Variants in WWOX observed in about 807,000 individuals in gnomAD.
WWOX encodes the protein WW domain-containing oxidoreductase.
Under a neutral mutation model 46.2 loss-of-function variants are expected in WWOX, and 69 were observed. That is an observed-to-expected ratio of 1.49 (90% CI 1.23 to 1.82). WWOX has a LOEUF of 1.82. Ranked by LOEUF, WWOX falls within the 40% of genes most tolerant of loss-of-function variation. The probability of loss-of-function intolerance (pLI) is 0.00; values close to 1 mark genes in which losing one functional copy is unlikely to be tolerated. For missense variants in WWOX, 919 were observed against 542.6 expected (o/e 1.69, Z -6.89); for synonymous variants, 359 against 202.6 (o/e 1.77, Z -6.56).
At chr16:78,140,145 C>T (rs557757416) in intron 4 of WWOX, among the ~76,000 whole-genome samples, 2 of 152,290 alleles carry the variant, frequency 1.3e-5, no homozygotes, top group East Asian at 3.9e-4. Flanking sequence ...TGGTTGAAAA[C>T]TGCATGGTGA....
At chr16:79,000,621 C>G (rs1016350774) in intron 8 of WWOX, among the ~76,000 whole-genome samples, 1 of 152,156 alleles carries the variant, frequency 6.6e-6, no homozygotes, top group African/African-American at 2.4e-5. Context: ...GAGATTCTCT[C>G]CCAGAACTTC....
intron 8 of WWOX, among the ~76,000 whole-genome samples, chr16:78,516,738 C>A (rs1004562561): frequency 6.6e-6 from 1 of 152,074 alleles, no homozygotes. Context: ...AATTTAAACG[C>A]GAGGGTTTCC....
At chr16:79,169,280 A>T (rs1457228256) in intron 8 of WWOX, among the ~76,000 whole-genome samples, 1 of 152,036 alleles carries the variant, frequency 6.6e-6, no homozygotes, top group African/African-American at 2.4e-5. Flanking sequence ...AATGTCTGAG[A>T]CTTGTGATGT....
chr16:78,389,506 A>G lies in WWOX; in HGVS notation c.605+2558A>G, dbSNP rs185021092. On this transcript the variant is annotated intron_variant, in intron 6 of 8. Coordinates refer to ENST00000566780, the MANE Select transcript of WWOX (RefSeq NM_016373.4). Reference sequence around the variant, plus strand: ...TGACAAGAACAGCAGCGGAGTCAGCAGCTCATTTACTGAGGGCTTATGGGC... The same window carrying G: ...TGACAAGAACAGCAGCGGAGTCAGCGGCTCATTTACTGAGGGCTTATGGGC... Among the ~76,000 whole-genome samples the G allele has an allele frequency of 3.9e-5, 6 of 152,338 alleles. No homozygotes were observed. In the East Asian group the frequency reaches 1.2e-3, roughly 29 times the overall value.
At chr16:79,033,206 G>GTA (rs34300112) in intron 8 of WWOX, among the ~76,000 whole-genome samples, 34,307 of 145,474 alleles carry the variant, frequency 0.24, 4,348 homozygotes, top group South Asian at 0.35. Flanking sequence ...ATAAATATGT[G>GTA]TATATATATA....
chr16:79,130,163 G>A (rs112591141), intron 8 of WWOX, among the ~76,000 whole-genome samples: 1,841 of 152,258 alleles, frequency 0.012, 36 homozygotes, highest in African/African-American at 0.041. Flanking sequence ...TCACAGGCTG[G>A]TGGAGTTGGG....
intron 5 of WWOX, among the ~76,000 whole-genome samples, chr16:78,383,034 G>A (rs552011458): frequency 1.3e-4 from 19 of 150,820 alleles, no homozygotes; most frequent in African/African-American, 3.9e-4. Context: ...GAGGTGATAT[G>A]CTCTTGTAAA....
chr16:78,397,278 C>A (rs1189506959), intron 6 of WWOX, among the ~76,000 whole-genome samples: 1 of 152,070 alleles, frequency 6.6e-6, no homozygotes, highest in Non-Finnish European at 1.5e-5. Context: ...GAGTATGGAA[C>A]CATATAATGA....
At chr16:78,543,865 C>G (rs1036609090) in intron 8 of WWOX, among the ~76,000 whole-genome samples, 5 of 152,108 alleles carry the variant, frequency 3.3e-5, no homozygotes, top group African/African-American at 9.7e-5. Flanking sequence ...CTCTGAAACC[C>G]TGTTTATTTG....
At chr16:78,509,768 T>C (rs555479410) in intron 8 of WWOX, among the ~76,000 whole-genome samples, 1 of 152,246 alleles carries the variant, frequency 6.6e-6, no homozygotes, top group South Asian at 2.1e-4. Context: ...AATTGAAGCG[T>C]ACAGTGCCTA....
At chr16:78,127,409 A>G (rs964172625) in intron 4 of WWOX, among the ~76,000 whole-genome samples, 4 of 151,984 alleles carry the variant, frequency 2.6e-5, no homozygotes, top group African/African-American at 7.3e-5. Flanking sequence ...AATGACCTGT[A>G]TAAATAACTG....
chr16:78,906,255 A>C (rs1234792454), intron 8 of WWOX, among the ~76,000 whole-genome samples: 1 of 152,180 alleles, frequency 6.6e-6, no homozygotes, highest in Admixed American at 6.5e-5. Context: ...TGTCTCCACA[A>C]GGAAGAAGTA....
At chr16:79,092,330 G>A (rs1475534936) in intron 8 of WWOX, among the ~76,000 whole-genome samples, 1 of 152,174 alleles carries the variant, frequency 6.6e-6, no homozygotes, top group Non-Finnish European at 1.5e-5. Flanking sequence ...AATCGTGCTG[G>A]GTGGCTTGAA....
intron 3 of WWOX, among the ~76,000 whole-genome samples, chr16:78,112,344 T>G (rs1046466677): frequency 1.3e-5 from 2 of 152,220 alleles, no homozygotes; most frequent in African/African-American, 4.8e-5. Flanking sequence ...CTGACACTAT[T>G]TTTCACCTCC....
intron 8 of WWOX, chr16:78,757,011 G>C: frequency 1.4e-6 from 1 of 699,830 alleles, no homozygotes; most frequent in Non-Finnish European, 2.6e-6. Context: ...CCTGCCAACA[G>C]CCATGTGAGT....
At chr16:79,053,008 C>T (rs1389565988) in intron 8 of WWOX, among the ~76,000 whole-genome samples, 2 of 151,566 alleles carry the variant, frequency 1.3e-5, no homozygotes, top group African/African-American at 4.9e-5. Flanking sequence ...AGAGAGGTGG[C>T]AAAAGCAGGT....
In WWOX at chr16:78,818,192, G is replaced by T. The variant is rs114380130; in HGVS notation, c.1056+385440G>T. ...TTGCAGAAGGTAGTCTCTGTGTTCA[G>T]GTACTCCCTGGAAAGGCTAATGGCT... On this transcript the variant is annotated intron_variant, in intron 8 of 8. Coordinates refer to ENST00000566780, the MANE Select transcript of WWOX (RefSeq NM_016373.4). 2.2e-3 allele frequency among the ~76,000 whole-genome samples: 332 copies of T among 152,302 alleles called. 1 individual carries two copies. Among genetic ancestry groups the T allele is most frequent in the African/African-American group, 7.7e-3 (322 of 41,562 alleles).
intron 6 of WWOX, among the ~76,000 whole-genome samples, chr16:78,417,887 T>C (rs1412980891): frequency 4.6e-5 from 7 of 152,248 alleles, no homozygotes; most frequent in East Asian, 1.9e-4. Context: ...ACCATGACTT[T>C]TCAGGTTTTA....
chr16:78,791,753 GCCTATAATTGCAGCTA>G (rs1174727561), intron 8 of WWOX, among the ~76,000 whole-genome samples: 1 of 152,040 alleles, frequency 6.6e-6, no homozygotes, highest in Non-Finnish European at 1.5e-5. Context: ...GGTGGCGCCT[GCCTATAATTGCAGCTA>G]CTTGGAAGGC....
Sources: gnomAD v4.1 joint callset for allele counts (sites outside exome capture counted in the v4.1 genomes callset) on GRCh38, gnomAD v4.1.1 for gene constraint, MANE v1.5 for transcripts, NCBI Gene and HGNC (gene_info 2026-07-23, HGNC 2026-07-21) for gene names.